Variants in MYLIP observed in about 807,000 individuals in gnomAD.
The protein encoded by MYLIP is E3 ubiquitin-protein ligase MYLIP.
In MYLIP, 26 loss-of-function variants were observed where a neutral mutation model predicts 45.8. The ratio of observed to expected loss-of-function variants is 0.57; its 90% CI spans 0.42 to 0.79. The LOEUF is 0.79. MYLIP is among the 30% of genes least tolerant of loss of function. The pLI, the probability that MYLIP is intolerant of heterozygous loss-of-function variation, is 0.00. For missense variants in MYLIP, 494 were observed against 555.6 expected (o/e 0.89, Z 1.11); for synonymous variants, 213 against 218.1 (o/e 0.98, Z 0.21).
At chr6:16,160,061 G>C in the MYLIP span, among the ~76,000 whole-genome samples, 1 of 152,192 alleles carries the variant, frequency 6.6e-6, no homozygotes, top group Non-Finnish European at 1.5e-5. Context: ...TCATACAAAC[G>C]TGTAAGAACA....
chr6:16,142,808 G>C (rs1313465180), intron 3 of MYLIP, among the ~76,000 whole-genome samples: 2 of 152,140 alleles, frequency 1.3e-5, no homozygotes, highest in Non-Finnish European at 2.9e-5. Flanking sequence ...CATCCCCAAA[G>C]TGTTTTTACC....
At chr6:16,138,021 A>T (rs1407250384) in intron 2 of MYLIP, among the ~76,000 whole-genome samples, 1 of 152,182 alleles carries the variant, frequency 6.6e-6, no homozygotes, top group African/African-American at 2.4e-5. Flanking sequence ...TTTTCTTAGT[A>T]ACTGGGTAAA....
In MYLIP at chr6:16,130,548, T is replaced by A. The variant is rs1356237425; in HGVS notation, c.88-9T>A. The A allele has an allele frequency of 1.2e-6, 2 of 1,612,938 alleles. No homozygotes were observed. The highest frequency in any genetic ancestry group is 2.2e-5 in the South Asian group (2 of 91,026). On this transcript the variant is annotated splice_polypyrimidine_tract_variant and intron_variant, in intron 1 of 6. Coordinates refer to ENST00000356840, the MANE Select transcript of MYLIP (RefSeq NM_013262.4). ...TTGCTCATCCAGGCTGCATTCCTTT[T>A]TGTTTTAGGTGTGCAGGCGACTGGG...
chr6:16,138,379 G>C lies in MYLIP; in HGVS notation c.279-3246G>C, dbSNP rs762117805. Among the ~76,000 whole-genome samples the C allele has an allele frequency of 3.6e-4, 55 of 151,698 alleles. No individual in the cohort carries two copies. The Middle Eastern group carries it at 0.014, about 38-fold the overall frequency. On this transcript the variant is annotated intron_variant, in intron 2 of 6. Coordinates refer to ENST00000356840, the MANE Select transcript of MYLIP (RefSeq NM_013262.4). ...CAGATAGTTACAATCCAGATGGTTTGAGGGGAAAATACTAAGAGAAAATAC... is the reference window on the plus strand; with the variant it reads ...CAGATAGTTACAATCCAGATGGTTTCAGGGGAAAATACTAAGAGAAAATAC...
At chr6:16,154,359 G>A in the MYLIP span, among the ~76,000 whole-genome samples, 2 of 152,224 alleles carry the variant, frequency 1.3e-5, no homozygotes, top group East Asian at 1.9e-4. Context: ...TCCCTGAGCG[G>A]GTGGTTCTAA....
chr6:16,129,277 G>A lies in MYLIP; in HGVS notation c.-46G>A. On this transcript the variant is annotated 5_prime_UTR_variant, in exon 1 of 7. Transcript: ENST00000356840. This position sits in a 1 kb window ranked among gnomAD's most constrained non-coding sequence, Gnocchi z 5.1. ...ACCAGTGACAAGGCGGCAGCCCCGC[G>A]CACACCAAAGAGAAGGCGGCTGTGG... 1 of 1,540,976 alleles carries A rather than the reference G, an allele frequency of 6.5e-7. No homozygotes were observed.
intron 2 of MYLIP, among the ~76,000 whole-genome samples, chr6:16,135,755 CT>C (rs1759539643): frequency 2.0e-4 from 25 of 125,262 alleles, no homozygotes; most frequent in African/African-American, 8.0e-4. Context: ...ATACATATAT[CT>C]ATATATATAT....
rs929493905 is a variant in MYLIP at position 16,147,173 on chromosome 6, A to T, written c.*422A>T. On this transcript the variant is annotated 3_prime_UTR_variant, in exon 7 of 7. Coordinates refer to ENST00000356840, the MANE Select transcript of MYLIP (RefSeq NM_013262.4). ...TGTAAGAATTACTTTTAAGAATTTC[A>T]TTCTTTTTGTATGGTCATGGAGCTC... The T allele has an allele frequency of 2.5e-5, 4 of 157,368 alleles. No individual in the cohort carries two copies. In the South Asian group the frequency reaches 5.7e-4, roughly 22 times the overall value. The allele number at this position is 157,368 out of a possible 1,614,324, so 9.7% of individuals were successfully genotyped here. A position where few individuals can be genotyped will look rare whatever the true frequency, so the allele number is the denominator to read the frequency against.
intron 5 of MYLIP, among the ~76,000 whole-genome samples, chr6:16,144,383 T>C (rs2056937): frequency 0.4 from 60,418 of 152,040 alleles, 13,253 homozygotes; most frequent in African/African-American, 0.59. Context: ...TCACTGTGTA[T>C]GGAAGGATTT....
chr6:16,146,323 T>G (rs1759789243), intron 6 of MYLIP, among the ~76,000 whole-genome samples: 1 of 152,252 alleles, frequency 6.6e-6, no homozygotes, highest in Admixed American at 6.5e-5. Context: ...CATTGCTGCC[T>G]GAAGTGTTAT....
chr6:16,146,845 A>C lies in MYLIP; in HGVS notation c.*94A>C. Reference sequence around the variant, plus strand: ...GATTGTGGAGAAAGTAATTATTCCAACACCCATCTGCCATGCGATGTTAAA... The same window carrying C: ...GATTGTGGAGAAAGTAATTATTCCACCACCCATCTGCCATGCGATGTTAAA... On this transcript the variant is annotated 3_prime_UTR_variant, in exon 7 of 7. Coordinates refer to ENST00000356840, the MANE Select transcript of MYLIP (RefSeq NM_013262.4). 1 of 1,110,420 alleles carries C rather than the reference A, an allele frequency of 9.0e-7. No individual in the cohort carries two copies. The highest frequency in any genetic ancestry group is 1.3e-6 in the Non-Finnish European group (1 of 770,944). The allele number at this position is 1,110,420 out of a possible 1,614,324, so 68.8% of individuals were successfully genotyped here. A position where few individuals can be genotyped will look rare whatever the true frequency, so the allele number is the denominator to read the frequency against.
the MYLIP span, among the ~76,000 whole-genome samples, chr6:16,159,333 T>G: frequency 6.6e-6 from 1 of 152,158 alleles, no homozygotes; most frequent in Non-Finnish European, 1.5e-5. Flanking sequence ...AGACAAGCAT[T>G]GGCGCCAGCT....
downstream of MYLIP, among the ~76,000 whole-genome samples, chr6:16,152,364 C>T (rs1759888750): frequency 1.3e-5 from 2 of 152,168 alleles, no homozygotes; most frequent in South Asian, 2.1e-4. Flanking sequence ...AGGGCTAGGG[C>T]AGTGGTTCTG....
chr6:16,142,763 C>T (rs1182748305), intron 3 of MYLIP, among the ~76,000 whole-genome samples: 1 of 152,216 alleles, frequency 6.6e-6, no homozygotes, highest in Non-Finnish European at 1.5e-5. Flanking sequence ...TTTTTAGAGA[C>T]TTTCCATAAT....
chr6:16,146,318 C>T (rs906967371), intron 6 of MYLIP, among the ~76,000 whole-genome samples: 1 of 152,230 alleles, frequency 6.6e-6, no homozygotes, highest in African/African-American at 2.4e-5. Context: ...TCCTGCATTG[C>T]TGCCTGAAGT....
the MYLIP span, among the ~76,000 whole-genome samples, chr6:16,162,028 C>T: frequency 1.3e-5 from 2 of 152,316 alleles, no homozygotes; most frequent in African/African-American, 4.8e-5. Flanking sequence ...TAGTTTCCTA[C>T]AGGCATAATA....
chr6:16,132,230 A>G (rs1759472606), intron 2 of MYLIP, among the ~76,000 whole-genome samples: 1 of 152,214 alleles, frequency 6.6e-6, no homozygotes, highest in South Asian at 2.1e-4. Context: ...ATAATAGCAT[A>G]ATACATTTGT....
Position 16,129,351 on chromosome 6 carries a change from C to T in MYLIP, c.29C>T (p.Ala10Val). 3 of 1,583,980 alleles carry T rather than the reference C, an allele frequency of 1.9e-6. No homozygotes were observed. Among genetic ancestry groups the T allele is most frequent in the East Asian group, 2.3e-5 (1 of 42,926 alleles). The change falls in exon 1 of 7, where the codon GCG becomes GTG. Residue 10 changes from alanine to valine, a missense_variant. By Grantham distance (64) the Ala-to-Val change is moderately conservative. Coordinates refer to ENST00000356840, the MANE Select transcript of MYLIP (RefSeq NM_013262.4). The surrounding 1 kb of genome is among the most constrained non-coding windows in gnomAD (Gnocchi z 5.1). Reference protein sequence around the residue: MLCYVTRPDAVLMEVEVEAK... With the variant: MLCYVTRPDVVLMEVEVEAK... ...CTGTGTTATGTGACGAGGCCGGACG[C>T]GGTGCTGATGGAGGTGGAGGTGGAG... is the stretch of plus-strand genomic sequence containing the variant.
At chr6:16,139,238 T>A (rs780143946) in intron 2 of MYLIP, among the ~76,000 whole-genome samples, 3 of 151,842 alleles carry the variant, frequency 2.0e-5, no homozygotes, top group Non-Finnish European at 4.4e-5. Flanking sequence ...CCGTCTCTAA[T>A]AAAAATACAA....
Sources: allele counts gnomAD v4.1 joint callset (sites outside exome capture counted in the v4.1 genomes callset), GRCh38; gene constraint gnomAD v4.1.1; non-coding constraint Gnocchi (gnomAD v3.1); transcripts MANE v1.5; gene names NCBI Gene and HGNC (gene_info 2026-07-23, HGNC 2026-07-21).